The following ZIC2 variants were observed in gnomAD, a reference collection of about 807,000 sequenced individuals.
ZIC2 encodes the protein Zic family zinc finger 2.
ZIC2 carries 7 observed loss-of-function variants against 29.5 expected under a neutral mutation model. The observed-to-expected ratio is 0.24, with a 90% CI of 0.14 to 0.45. The LOEUF is 0.45. Ranked by LOEUF, ZIC2 falls within the 20% of genes least tolerant of loss-of-function variation. The pLI is 1.00. For synonymous variants in ZIC2, 408 were observed against 354.2 expected (o/e 1.15, Z -1.70); for missense variants, 589 against 781.2 (o/e 0.75, Z 2.93).
chr13:99,982,226 C>G lies in ZIC2; in HGVS notation c.162C>G (p.Ala54=). The change falls in exon 1 of 3, where the codon GCC becomes GCG. Residue 54 remains alanine (A), a synonymous_variant. Transcript: ENST00000376335. The part of the protein sequence containing the change: ...AAQNGFVDSA[A]AHMGAFKLNP... ...AGAACGGCTTCGTTGACTCCGCCGC[C>G]GCGCACATGGGAGCCTTCAAGCTCA... is the stretch of plus-strand genomic sequence containing the variant. 1 of 1,513,272 alleles carries G rather than the reference C, an allele frequency of 6.6e-7. No homozygotes were observed. Among genetic ancestry groups the G allele is most frequent in the Non-Finnish European group, 8.8e-7 (1 of 1,137,644 alleles). 93.7% of individuals were successfully genotyped at this position (1,513,272 alleles called of 1,614,324 possible).
Position 99,982,958 on chromosome 13 carries a change from C to T in ZIC2, c.894C>T (p.Ser298=), listed in dbSNP as rs541126997. ...AGCACGTCGGCGGCCCGGAGCAGAGCAACCACGTCTGCTTCTGGGAGGAGT... is the reference window on the plus strand; with the variant it reads ...AGCACGTCGGCGGCCCGGAGCAGAGTAACCACGTCTGCTTCTGGGAGGAGT... ...SVEHVGGPEQ[S]NHVCFWEECP... The change falls in exon 1 of 3, where the codon AGC becomes AGT. Residue 298 remains serine (S), a synonymous_variant. Coordinates refer to ENST00000376335, the MANE Select transcript of ZIC2 (RefSeq NM_007129.5). The T allele has an allele frequency of 6.2e-7, 1 of 1,614,178 alleles. No homozygotes were observed. Among genetic ancestry groups the T allele is most frequent in the East Asian group, 2.2e-5 (1 of 44,880 alleles).
At chr13:99,984,586 C>T in intron 1 of ZIC2, 1 of 345,580 alleles carries the variant, frequency 2.9e-6, no homozygotes, top group Admixed American at 4.1e-5. Context: ...TGATAATGCC[C>T]CAAATATTTT....
chr13:99,985,408 C>G lies in ZIC2; in HGVS notation c.1325C>G (p.Ser442Cys), dbSNP rs773773109. Residue 442 changes from serine to cysteine, a missense_variant, in exon 3 of 3, where the codon TCC becomes TGC. Ser to Cys is a moderately radical substitution (Grantham distance 112). Transcript: ENST00000376335. The surrounding 1 kb of genome is among the most constrained non-coding windows in gnomAD (Gnocchi z 6.3). ...YESSTPPGLV[S>C]PSAEPQSSSN... is the part of the protein sequence containing the mutation. ...TCGTCCACGCCCCCGGGGCTGGTGT[C>G]CCCCAGCGCCGAGCCCCAGAGCAGC... 3 of 1,595,652 alleles carry G rather than the reference C, an allele frequency of 1.9e-6. No individual in the cohort carries two copies. The highest frequency in any genetic ancestry group is 1.7e-6 in the Non-Finnish European group (2 of 1,178,170).
In ZIC2 at chr13:99,983,241, G is replaced by A. The variant is rs977426849; in HGVS notation, c.1075+102G>A. The A allele has an allele frequency of 1.0e-5, 15 of 1,474,994 alleles. No homozygotes were observed. In the African/African-American group the frequency reaches 1.8e-4, roughly 18 times the overall value. The allele number at this position is 1,474,994 out of a possible 1,614,324, so 91.4% of individuals were successfully genotyped here. ...CGCTGGGCGCAGACCGCCAGCCGGG[G>A]ACCTGGGATGGGAGGTGTTTTTGCG... On this transcript the variant is annotated intron_variant, in intron 1 of 2. Coordinates refer to ENST00000376335, the MANE Select transcript of ZIC2 (RefSeq NM_007129.5). The surrounding 1 kb of genome is among the most constrained non-coding windows in gnomAD (Gnocchi z 4.7).
chr13:99,985,815 C>A lies in ZIC2; in HGVS notation c.*133C>A. On this transcript the variant is annotated 3_prime_UTR_variant, in exon 3 of 3. Coordinates refer to ENST00000376335, the MANE Select transcript of ZIC2 (RefSeq NM_007129.5). The surrounding 1 kb of genome is among the most constrained non-coding windows in gnomAD (Gnocchi z 6.3). ...GATTTTTATGATGATGAAAATTTTA[C>A]CAGCAGAAGGATTTTTTAAAGTTTT... The A allele has an allele frequency of 1.2e-5, 5 of 415,298 alleles. No individual in the cohort carries two copies. Among genetic ancestry groups the A allele is most frequent in the Non-Finnish European group, 1.8e-5 (5 of 284,740 alleles). The allele number at this position is 415,298 out of a possible 1,614,324, so 25.7% of individuals were successfully genotyped here.
rs2053245756 is a variant in ZIC2 at position 99,983,239 on chromosome 13, G to C, written c.1075+100G>C. ...GACGCTGGGCGCAGACCGCCAGCCG[G>C]GGACCTGGGATGGGAGGTGTTTTTG... On this transcript the variant is annotated intron_variant, in intron 1 of 2. Transcript: ENST00000376335. The surrounding 1 kb of genome is among the most constrained non-coding windows in gnomAD (Gnocchi z 4.7). 1.3e-6 allele frequency: 2 copies of C among 1,490,676 alleles called. No homozygotes were observed. The highest frequency in any genetic ancestry group is 4.7e-5 in the Admixed American group (2 of 42,270). The allele number at this position is 1,490,676 out of a possible 1,614,324, so 92.3% of individuals were successfully genotyped here. A position where few individuals can be genotyped will look rare whatever the true frequency, so the allele number is the denominator to read the frequency against.
At position 99,985,120 on chromosome 13, in the gene ZIC2, G is replaced by A. The variant is rs1484538349; in HGVS notation, c.1239+11G>A. ...CGGAAGCACATGAAGGTACCACCGC[G>A]GCGGCCGGGAGGAGGGCGAGGCAGG... On this transcript the variant is annotated intron_variant, in intron 2 of 2. Coordinates refer to ENST00000376335, the MANE Select transcript of ZIC2 (RefSeq NM_007129.5). The surrounding 1 kb of genome is among the most constrained non-coding windows in gnomAD (Gnocchi z 6.3). The A allele has an allele frequency of 1.2e-6, 2 of 1,613,998 alleles. No homozygotes were observed. The highest frequency in any genetic ancestry group is 1.3e-5 in the African/African-American group (1 of 75,042).
In ZIC2 at chr13:99,982,014, C is replaced by G; in HGVS notation, c.-51C>G. On this transcript the variant is annotated 5_prime_UTR_variant, in exon 1 of 3. Coordinates refer to ENST00000376335, the MANE Select transcript of ZIC2 (RefSeq NM_007129.5). ...CACCGCGCGGATCGGGAGCGGGAGT[C>G]GAGGCGGCGCGGAGGCGCAGGGCTC... is the stretch of plus-strand genomic sequence containing the variant. The G allele has an allele frequency of 1.6e-6, 2 of 1,212,452 alleles. No homozygotes were observed. The highest frequency in any genetic ancestry group is 8.8e-5 in the Admixed American group (2 of 22,686). 75.1% of individuals were successfully genotyped at this position (1,212,452 alleles called of 1,614,324 possible). A position where few individuals can be genotyped will look rare whatever the true frequency, so the allele number is the denominator to read the frequency against.
Position 99,982,022 on chromosome 13 carries a change from C to T in ZIC2, c.-43C>T. 1.6e-6 allele frequency: 2 copies of T among 1,216,314 alleles called. No homozygotes were observed. Among genetic ancestry groups the T allele is most frequent in the Non-Finnish European group, 1.0e-6 (1 of 979,568 alleles). 75.3% of individuals were successfully genotyped at this position (1,216,314 alleles called of 1,614,324 possible). A position where few individuals can be genotyped will look rare whatever the true frequency, so the allele number is the denominator to read the frequency against. ...GGATCGGGAGCGGGAGTCGAGGCGG[C>T]GCGGAGGCGCAGGGCTCGCAGGGGC... On this transcript the variant is annotated 5_prime_UTR_variant, in exon 1 of 3. Coordinates refer to ENST00000376335, the MANE Select transcript of ZIC2 (RefSeq NM_007129.5).
At chr13:99,984,906 C>G in intron 1 of ZIC2, 40 bp from the exon 2 acceptor site, 1 of 1,613,732 alleles carries the variant, frequency 6.2e-7, no homozygotes, top group East Asian at 2.2e-5. Flanking sequence ...TCTGCAGGCT[C>G]TGGGTGTCTG....
At chr13:99,984,896 T>C in intron 1 of ZIC2, 50 bp from the exon 2 acceptor site, 1 of 1,613,002 alleles carries the variant, frequency 6.2e-7, no homozygotes, top group South Asian at 1.1e-5. Context: ...GAGTGGGGGC[T>C]CTGCAGGCTC....
At position 99,982,255 on chromosome 13, in the gene ZIC2, C is replaced by A; in HGVS notation, c.191C>A (p.Pro64Gln). The part of the protein sequence containing the change: ...AAHMGAFKLN[P>Q]GAHELSPGQS... ...CACATGGGAGCCTTCAAGCTCAACC[C>A]GGGCGCGCACGAGCTGTCCCCGGGC... Residue 64 changes from proline (P) to glutamine (Q), a missense_variant, in exon 1 of 3, where the codon CCG becomes CAG. Pro to Gln is a moderately conservative substitution (Grantham distance 76). This residue lies in a region of ZIC2 where 358 missense variants were observed against 382.0 expected (regional missense o/e 0.94). Coordinates refer to ENST00000376335, the MANE Select transcript of ZIC2 (RefSeq NM_007129.5). The A allele has an allele frequency of 6.6e-7, 1 of 1,508,568 alleles. No individual in the cohort carries two copies. The highest frequency in any genetic ancestry group is 8.8e-7 in the Non-Finnish European group (1 of 1,134,692). 93.4% of individuals were successfully genotyped at this position (1,508,568 alleles called of 1,614,324 possible).
At position 99,983,648 on chromosome 13, in the gene ZIC2, A is replaced by G. The variant is rs2053247802; in HGVS notation, c.1075+509A>G. Among the ~76,000 whole-genome samples, 1 of 151,722 alleles carries G rather than the reference A, an allele frequency of 6.6e-6. No homozygotes were observed. The highest frequency in any genetic ancestry group is 2.1e-4 in the South Asian group (1 of 4,784). On this transcript the variant is annotated intron_variant, in intron 1 of 2. Transcript: ENST00000376335. The surrounding 1 kb of genome is among the most constrained non-coding windows in gnomAD (Gnocchi z 4.7). ...GAGTCTGGTGTGAGCCGAAGCTGTA[A>G]TGCGTTTCTCATTTTTAAAGTGTTT...
Position 99,983,725 on chromosome 13 carries a change from A to G in ZIC2, c.1075+586A>G, listed in dbSNP as rs1487119287. ...GGGGGCTTTACTGTGGTTTCGCAGC[A>G]GTTTGTGAAATTCTCTAATGGGCAC... On this transcript the variant is annotated intron_variant, in intron 1 of 2. Coordinates refer to ENST00000376335, the MANE Select transcript of ZIC2 (RefSeq NM_007129.5). The surrounding 1 kb of genome is among the most constrained non-coding windows in gnomAD (Gnocchi z 4.7). 6.6e-6 allele frequency among the ~76,000 whole-genome samples: 1 copy of G among 152,102 alleles called. No individual in the cohort carries two copies. The highest frequency in any genetic ancestry group is 1.5e-5 in the Non-Finnish European group (1 of 68,014).
In ZIC2 at chr13:99,982,656, G is replaced by C; in HGVS notation, c.592G>C (p.Ala198Pro). The C allele has an allele frequency of 6.3e-7, 1 of 1,599,042 alleles. No homozygotes were observed. Among genetic ancestry groups the C allele is most frequent in the Non-Finnish European group, 8.5e-7 (1 of 1,179,024 alleles). Residue 198 changes from alanine (A) to proline (P), a missense_variant, in exon 1 of 3, where the codon GCC (alanine) becomes CCC (proline). Physicochemically the swap from Ala to Pro is conservative, Grantham distance 27. Coordinates refer to ENST00000376335, the MANE Select transcript of ZIC2 (RefSeq NM_007129.5). ...FGRSEQYRQV[A>P]SPRTDPYSAA... ...GCGCTCGGAGCAATACCGCCAGGTG[G>C]CCAGCCCGCGGACCGACCCCTACTC...
rs1157935614 is a variant in ZIC2, at chr13:99,986,442, C to G, written c.*760C>G. ...TGGGTTTACATGTGATGTTTTAGTG[C>G]TTTTGCAAGTTCAATTTGTTAGTTC... On this transcript the variant is annotated 3_prime_UTR_variant, in exon 3 of 3. Coordinates refer to ENST00000376335, the MANE Select transcript of ZIC2 (RefSeq NM_007129.5). 6.4e-6 allele frequency: 1 copy of G among 155,150 alleles called. No homozygotes were observed. Among genetic ancestry groups the G allele is most frequent in the Non-Finnish European group, 1.4e-5 (1 of 69,712 alleles). 9.6% of individuals were successfully genotyped at this position (155,150 alleles called of 1,614,324 possible).
rs1159244738 is a variant in ZIC2, at chr13:99,985,602, G to A, written c.1519G>A (p.Gly507Ser). The A allele has an allele frequency of 2.8e-6, 3 of 1,064,696 alleles. No individual in the cohort carries two copies. The highest frequency in any genetic ancestry group is 3.4e-6 in the Non-Finnish European group (3 of 880,522). 66.0% of individuals were successfully genotyped at this position (1,064,696 alleles called of 1,614,324 possible). The stretch of plus-strand genomic sequence containing the variant: ...CGGCGGCGGGGCGGGCGGCGGGGGC[G>A]GCGGCAGCTCTGGCGGGGGCAGCGG... Reference protein sequence around the residue: ...GGGGGAGGGGGGSSGGGSGTA... With the variant: ...GGGGGAGGGGSGSSGGGSGTA... Residue 507 changes from glycine to serine, a missense_variant, in exon 3 of 3, where the codon GGC becomes AGC. By Grantham distance (56) the Gly-to-Ser change is moderately conservative. Transcript: ENST00000376335. The surrounding 1 kb of genome is among the most constrained non-coding windows in gnomAD (Gnocchi z 6.3).
rs753075372 is a variant in ZIC2 at position 99,982,250 on chromosome 13, C to T, written c.186C>T (p.Leu62=). Residue 62 remains leucine (L), a synonymous_variant, in exon 1 of 3, where the codon CTC becomes CTT. Coordinates refer to ENST00000376335, the MANE Select transcript of ZIC2 (RefSeq NM_007129.5). ...SAAAHMGAFK[L]NPGAHELSPG... is the part of the protein sequence containing the mutation. ...CCGCGCACATGGGAGCCTTCAAGCT[C>T]AACCCGGGCGCGCACGAGCTGTCCC... 2 of 1,512,332 alleles carry T rather than the reference C, an allele frequency of 1.3e-6. No individual in the cohort carries two copies. The highest frequency in any genetic ancestry group is 8.8e-7 in the Non-Finnish European group (1 of 1,136,830). The allele number at this position is 1,512,332 out of a possible 1,614,324, so 93.7% of individuals were successfully genotyped here.
rs1433759680 is a variant in ZIC2 at position 99,983,168 on chromosome 13, C to A, written c.1075+29C>A. On this transcript the variant is annotated intron_variant, in intron 1 of 2. Coordinates refer to ENST00000376335, the MANE Select transcript of ZIC2 (RefSeq NM_007129.5). This position sits in a 1 kb window ranked among gnomAD's most constrained non-coding sequence, Gnocchi z 4.7. Reference sequence around the variant, plus strand: ...ACCGCGGGCTGGGACAGGGACCAGGCGCGGAGGGGAGACACGCACAGGCTG... The same window carrying A: ...ACCGCGGGCTGGGACAGGGACCAGGAGCGGAGGGGAGACACGCACAGGCTG... 2 of 1,609,416 alleles carry A rather than the reference C, an allele frequency of 1.2e-6. No homozygotes were observed. Among genetic ancestry groups the A allele is most frequent in the African/African-American group, 1.3e-5 (1 of 74,754 alleles).
Sources: gnomAD v4.1 joint callset for allele counts (sites outside exome capture counted in the v4.1 genomes callset) on GRCh38, gnomAD v4.1.1 for gene constraint, gnomAD v4.1.1 regional missense constraint, Gnocchi (gnomAD v3.1) non-coding constraint, MANE v1.5 for transcripts, NCBI Gene and HGNC (gene_info 2026-07-23, HGNC 2026-07-21) for gene names.